TMEM67: variants seen among roughly 807,000 people sequenced by gnomAD.
The protein encoded by TMEM67 is transmembrane protein 67, also known as meckelin.
In TMEM67, 124 loss-of-function variants were observed where a neutral mutation model predicts 136.6. The ratio of observed to expected loss-of-function variants is 0.91; its 90% CI spans 0.78 to 1.05. The LOEUF (loss-of-function observed/expected upper bound fraction) is 1.05, where lower values mean the gene tolerates loss of function less well. Ranked by LOEUF, TMEM67 falls within the 50% of genes least tolerant of loss-of-function variation. The pLI, the probability that TMEM67 is intolerant of heterozygous loss-of-function variation, is 0.00. For missense variants in TMEM67, 1,107 were observed against 1,178.4 expected (o/e 0.94, Z 0.89); for synonymous variants, 364 against 390.5 (o/e 0.93, Z 0.80).
At chr8:93,793,582 A>G (rs1435327953) in intron 16 of TMEM67, among the ~76,000 whole-genome samples, 1 of 152,210 alleles carries the variant, frequency 6.6e-6, no homozygotes, top group Non-Finnish European at 1.5e-5. Context: ...ACCTCATGGC[A>G]TATAGTAGTA....
chr8:93,803,289 C>T (rs1225978405), intron 21 of TMEM67, among the ~76,000 whole-genome samples: 3 of 152,154 alleles, frequency 2.0e-5, no homozygotes, highest in Admixed American at 6.5e-5. Context: ...ATCTGACCAT[C>T]GATGCATTGA....
chr8:93,770,570 TC>T (rs756163466), intron 6 of TMEM67, among the ~76,000 whole-genome samples: 85 of 152,314 alleles, frequency 5.6e-4, no homozygotes, highest in Non-Finnish European at 9.3e-4. Context: ...TTGTGGTTTT[TC>T]CCCTCTGTAT....
chr8:93,801,365 G>T (rs1279240317), intron 21 of TMEM67, among the ~76,000 whole-genome samples: 2 of 151,534 alleles, frequency 1.3e-5, no homozygotes, highest in Admixed American at 1.3e-4. Context: ...CTCCTGATTA[G>T]CTGGGACTAC....
rs1364969197 is a variant in TMEM67 at position 93,754,908 on chromosome 8, C to T, written c.-7C>T. On this transcript the variant is annotated 5_prime_UTR_variant, in exon 1 of 28. Coordinates refer to ENST00000453321, the MANE Select transcript of TMEM67 (RefSeq NM_153704.6). ...CTGGAGGCTGTGAGGCTTCCAGCGT[C>T]GGTACCATGGCGACGCGCGGTGGGG... is the stretch of plus-strand genomic sequence containing the variant. The T allele has an allele frequency of 1.1e-5, 18 of 1,613,028 alleles. No homozygotes were observed. The highest frequency in any genetic ancestry group is 1.4e-5 in the Non-Finnish European group (17 of 1,179,782).
downstream of TMEM67, among the ~76,000 whole-genome samples, chr8:93,823,404 AT>A (rs1285837122): frequency 0.012 from 1,735 of 144,906 alleles, 24 homozygotes; most frequent in African/African-American, 0.038. Flanking sequence ...TAGGACCTGG[AT>A]TTTTTTTTTT....
downstream of TMEM67, among the ~76,000 whole-genome samples, chr8:93,818,796 G>C (rs866460827): frequency 2.6e-5 from 4 of 151,968 alleles, no homozygotes; most frequent in Non-Finnish European, 2.9e-5. Flanking sequence ...TTTCGTGGGT[G>C]TGTGTGTGTG....
chr8:93,812,491 AAAAC>A (rs1036582838), intron 26 of TMEM67, among the ~76,000 whole-genome samples: 8 of 152,198 alleles, frequency 5.3e-5, no homozygotes, highest in Admixed American at 6.5e-5. Context: ...CTGTAAAACA[AAAAC>A]AAACAAACAA....
downstream of TMEM67, chr8:93,819,091 C>T (rs993046177): frequency 2.2e-6 from 1 of 453,308 alleles, no homozygotes; most frequent in Non-Finnish European, 4.4e-6. Flanking sequence ...GTGTCAGCCA[C>T]TACACATGGC....
At chr8:93,780,516 A>C (rs1813768123) in intron 7 of TMEM67, 77 bp from the exon 8 acceptor site, 1 of 1,582,910 alleles carries the variant, frequency 6.3e-7, no homozygotes, top group Admixed American at 1.7e-5. Flanking sequence ...GACCTGCACA[A>C]AGTAAAATTT....
In TMEM67 at chr8:93,787,909, G is replaced by A. The variant is rs575310247; in HGVS notation, c.1478G>A (p.Ser493Asn). ...CCTCCCTTAATCACCATTGCCTACA[G>A]TGACATTGATATCAAAGATGCCAAC... ...IYPPLITIAY[S>N]DIDIKDANSQ... The change falls in exon 14 of 28, where the codon AGT (serine) becomes AAT (asparagine). Residue 493 changes from serine (S) to asparagine (N), a missense_variant. Ser to Asn is a conservative substitution (Grantham distance 46). Around this residue, in one of 3 missense-constraint regions of TMEM67, gnomAD observed 925 missense variants for 1,002.4 expected, o/e 0.92. Transcript: ENST00000453321. The A allele has an allele frequency of 6.2e-7, 1 of 1,613,996 alleles. No homozygotes were observed. The highest frequency in any genetic ancestry group is 1.1e-5 in the South Asian group (1 of 91,066).
chr8:93,825,719 T>A, the TMEM67 span, among the ~76,000 whole-genome samples: 1 of 152,286 alleles, frequency 6.6e-6, no homozygotes, highest in East Asian at 1.9e-4. Flanking sequence ...GAGGGAAGAA[T>A]TTTCAGATAA....
chr8:93,788,868 T>C (rs1300893682), intron 14 of TMEM67, among the ~76,000 whole-genome samples: 2 of 152,214 alleles, frequency 1.3e-5, no homozygotes, highest in African/African-American at 4.8e-5. Context: ...CCTCTTAGGC[T>C]GCACTGCAGA....
intron 2 of TMEM67, 23 bp from the exon 3 acceptor site, chr8:93,758,460 G>A (rs755976239): frequency 3.2e-5 from 51 of 1,573,782 alleles, no homozygotes; most frequent in Non-Finnish European, 4.2e-5. Flanking sequence ...AAAGAGAAAA[G>A]CATTTTTTTT....
intron 4 of TMEM67, 93 bp from the exon 5 acceptor site, chr8:93,765,313 C>G (rs1813031427): frequency 2.1e-6 from 2 of 946,650 alleles, no homozygotes; most frequent in South Asian, 3.0e-5. Flanking sequence ...CTGAATGAAT[C>G]TACTCTAATC....
intron 7 of TMEM67, 72 bp downstream of exon 7, chr8:93,772,723 A>G: frequency 2.5e-6 from 3 of 1,213,464 alleles, no homozygotes; most frequent in South Asian, 1.3e-5. Context: ...CCAGATAATA[A>G]AAGTTTTATT....
Position 93,815,300 on chromosome 8 carries a change from A to C in TMEM67, c.2765-5A>C. 2 of 1,517,472 alleles carry C rather than the reference A, an allele frequency of 1.3e-6. No individual in the cohort carries two copies. The highest frequency in any genetic ancestry group is 1.8e-6 in the Non-Finnish European group (2 of 1,126,598). 94.0% of individuals were successfully genotyped at this position (1,517,472 alleles called of 1,614,324 possible). A position where few individuals can be genotyped will look rare whatever the true frequency, so the allele number is the denominator to read the frequency against. ...TAATTTATATTTTCTAAATTTTTTTAATAGATGAAGGTTATTCTTTCAGCA... is the reference window on the plus strand; with the variant it reads ...TAATTTATATTTTCTAAATTTTTTTCATAGATGAAGGTTATTCTTTCAGCA... On this transcript the variant is annotated splice_polypyrimidine_tract_variant and splice_region_variant and intron_variant, in intron 26 of 27. Transcript: ENST00000453321.
chr8:93,771,113 A>G lies in TMEM67; in HGVS notation c.652-1476A>G, dbSNP rs548772978. Among the ~76,000 whole-genome samples the G allele has an allele frequency of 2.0e-5, 3 of 152,320 alleles. No homozygotes were observed. The South Asian group carries it at 6.2e-4, about 32-fold the overall frequency. ...TTAATACGTTAGTCTGAGACTATGT[A>G]AATATCCATTTTAGCAATTAATGAA... On this transcript the variant is annotated intron_variant, in intron 6 of 27. Transcript: ENST00000453321.
chr8:93,772,092 C>T (rs948741561), intron 6 of TMEM67, among the ~76,000 whole-genome samples: 1 of 152,130 alleles, frequency 6.6e-6, no homozygotes, highest in Non-Finnish European at 1.5e-5. Flanking sequence ...GATACTGATT[C>T]GTTTTTGTTT....
At chr8:93,808,291 TTATA>T (rs1039580641) in intron 23 of TMEM67, among the ~76,000 whole-genome samples, 1 of 143,132 alleles carries the variant, frequency 7.0e-6, no homozygotes, top group Non-Finnish European at 1.5e-5. Context: ...CTATTATGGA[TTATA>T]TATATTATCA....
Sources: allele counts gnomAD v4.1 joint callset (sites outside exome capture counted in the v4.1 genomes callset), GRCh38; gene constraint gnomAD v4.1.1; regional missense constraint gnomAD v4.1.1; transcripts MANE v1.5; gene names NCBI Gene and HGNC (gene_info 2026-07-23, HGNC 2026-07-21).